THRAP3: variants seen among roughly 807,000 people sequenced by gnomAD.
THRAP3 encodes thyroid hormone receptor-associated protein 3.
THRAP3 carries 16 observed loss-of-function variants against 101.0 expected under a neutral mutation model. The ratio of observed to expected loss-of-function variants is 0.16; its 90% CI spans 0.11 to 0.24. The LOEUF (loss-of-function observed/expected upper bound fraction) is 0.24. Ranked by LOEUF, THRAP3 falls within the 10% of genes least tolerant of loss-of-function variation. The pLI, the probability that THRAP3 is intolerant of heterozygous loss-of-function variation, is 1.00. For missense variants in THRAP3, 989 were observed against 1,202.7 expected, an observed-to-expected ratio of 0.82 and a Z score of 2.63; for synonymous variants, 407 against 422.6, an observed-to-expected ratio of 0.96 and a Z score of 0.45.
the THRAP3 span, among the ~76,000 whole-genome samples, chr1:36,211,926 T>A: frequency 1.3e-5 from 2 of 152,188 alleles, no homozygotes; most frequent in African/African-American, 2.4e-5. Context: ...GAGCCTCTTG[T>A]ACACAAGAGA....
chr1:36,249,740 T>C (rs1015397480), intron 1 of THRAP3, among the ~76,000 whole-genome samples: 2 of 117,524 alleles, frequency 1.7e-5, no homozygotes, highest in African/African-American at 6.0e-5. Flanking sequence ...GAGACAGGAG[T>C]GGTGGTTTGG....
chr1:36,247,870 CTTTTTTTTTT>C (rs550667195), intron 1 of THRAP3, among the ~76,000 whole-genome samples: 1 of 128,530 alleles, frequency 7.8e-6, no homozygotes, highest in African/African-American at 2.9e-5. Flanking sequence ...CCATCTTCAT[CTTTTTTTTTT>C]TTTTTTTTTT....
At chr1:36,213,320 G>A in the THRAP3 span, among the ~76,000 whole-genome samples, 1 of 152,058 alleles carries the variant, frequency 6.6e-6, no homozygotes. Context: ...AGAGGCCTGG[G>A]AGATCTTATC....
At chr1:36,282,175 C>T (rs1281577432) in intron 2 of THRAP3, among the ~76,000 whole-genome samples, 1 of 151,960 alleles carries the variant, frequency 6.6e-6, no homozygotes, top group African/African-American at 2.4e-5. Context: ...CTCCTCCTAC[C>T]TTGGCCTCCC....
chr1:36,237,570 A>G (rs1645105760), intron 1 of THRAP3, among the ~76,000 whole-genome samples: 1 of 152,038 alleles, frequency 6.6e-6, no homozygotes. Context: ...CAGGAGTTCA[A>G]GATCAGCCTG....
intron 4 of THRAP3, chr1:36,288,736 C>G: frequency 1.0e-6 from 1 of 985,296 alleles, no homozygotes; most frequent in Non-Finnish European, 1.2e-6. Flanking sequence ...TTATTTTTTG[C>G]CCTAGATCAC....
chr1:36,290,214 G>A (rs1003261370), intron 5 of THRAP3, among the ~76,000 whole-genome samples: 2 of 138,008 alleles, frequency 1.4e-5, no homozygotes, highest in African/African-American at 5.4e-5. Flanking sequence ...TTTTTTTTTT[G>A]AGACGGGGTC....
chr1:36,296,513 C>A, intron 8 of THRAP3, 70 bp from the exon 9 acceptor site: 2 of 1,351,202 alleles, frequency 1.5e-6, no homozygotes, highest in Non-Finnish European at 2.0e-6. Context: ...GTAAAAACCA[C>A]AGTTTGTGGG....
Position 36,253,985 on chromosome 1 carries a change from C to G in THRAP3, c.-134-5397C>G, listed in dbSNP as rs77732170. 9.6e-3 allele frequency among the ~76,000 whole-genome samples: 1,457 copies of G among 152,030 alleles called. 17 individuals are homozygous for G. Among genetic ancestry groups the G allele is most frequent in the African/African-American group, 0.034 (1,397 of 41,442 alleles). The stretch of plus-strand genomic sequence containing the variant: ...TAACTTCAAAGCTATTTGGTATCCG[C>G]AACAGTAATAGTGGTTAAGGGTGGT... On this transcript the variant is annotated intron_variant, in intron 1 of 11. Coordinates refer to ENST00000354618, the MANE Select transcript of THRAP3 (RefSeq NM_005119.4).
chr1:36,230,751 T>A (rs1337967018), intron 1 of THRAP3, among the ~76,000 whole-genome samples: 1 of 152,198 alleles, frequency 6.6e-6, no homozygotes, highest in Non-Finnish European at 1.5e-5. Flanking sequence ...AACCTCTGCC[T>A]AAAAAGTTTT....
In THRAP3 at chr1:36,293,955, A is replaced by C; in HGVS notation, c.2115+20A>C. ...TACAAGGTGAACTGTTGATTTGATC[A>C]GTAATTCCAACAAAATGAGTGCGTT... On this transcript the variant is annotated intron_variant, in intron 8 of 11. Coordinates refer to ENST00000354618, the MANE Select transcript of THRAP3 (RefSeq NM_005119.4). 1 of 1,608,118 alleles carries C rather than the reference A, an allele frequency of 6.2e-7. No individual in the cohort carries two copies. Among genetic ancestry groups the C allele is most frequent in the South Asian group, 1.1e-5 (1 of 90,616 alleles).
chr1:36,247,382 T>TGGC (rs1645244256), intron 1 of THRAP3, among the ~76,000 whole-genome samples: 1 of 152,038 alleles, frequency 6.6e-6, no homozygotes, highest in Non-Finnish European at 1.5e-5. Context: ...TGGAGTGCAG[T>TGGC]GGCGTGATCT....
At chr1:36,228,625 G>A (rs147271374) in intron 1 of THRAP3, among the ~76,000 whole-genome samples, 50 of 152,196 alleles carry the variant, frequency 3.3e-4, no homozygotes, top group Admixed American at 8.5e-4. Flanking sequence ...AAAGTGCTGG[G>A]ATTACAGGCG....
chr1:36,218,881 A>C, the THRAP3 span, among the ~76,000 whole-genome samples: 3 of 151,894 alleles, frequency 2.0e-5, no homozygotes, highest in Non-Finnish European at 4.4e-5. Flanking sequence ...AAAAATACTA[A>C]AACTAGCCAA....
At chr1:36,225,754 T>C (rs1309671989) in intron 1 of THRAP3, among the ~76,000 whole-genome samples, 1 of 152,240 alleles carries the variant, frequency 6.6e-6, no homozygotes, top group African/African-American at 2.4e-5. Context: ...GCTCCTGCCA[T>C]GAACAACTTG....
chr1:36,298,607 C>T (rs1239339074), intron 9 of THRAP3, among the ~76,000 whole-genome samples: 2 of 152,036 alleles, frequency 1.3e-5, no homozygotes, highest in African/African-American at 4.8e-5. Context: ...GATCCTCCTG[C>T]TTCAGCCTTC....
chr1:36,256,997 A>ATGTT (rs2124478174), intron 1 of THRAP3, among the ~76,000 whole-genome samples: 1 of 152,068 alleles, frequency 6.6e-6, no homozygotes, highest in East Asian at 1.9e-4. Context: ...GGGTTTCTCC[A>ATGTT]TGTTGGTCAG....
Position 36,289,314 on chromosome 1 carries a change from A to G in THRAP3, c.1295A>G (p.Asp432Gly), listed in dbSNP as rs1439430318. Residue 432 changes from aspartate (D) to glycine (G), a missense_variant, in exon 5 of 12, where the codon GAT (aspartate) becomes GGT (glycine). By Grantham distance (94) the Asp-to-Gly change is moderately conservative (BLOSUM62 -1). Coordinates refer to ENST00000354618, the MANE Select transcript of THRAP3 (RefSeq NM_005119.4). ...GACTTCCACAAGGAGGAGATGGATG[A>G]TCAAGATAAGGACAAAGCTAAGGGA... Reference protein sequence around the residue: ...MADFHKEEMDDQDKDKAKGRK... With the variant: ...MADFHKEEMDGQDKDKAKGRK... 1.2e-6 allele frequency: 2 copies of G among 1,614,096 alleles called. No individual in the cohort carries two copies. Among genetic ancestry groups the G allele is most frequent in the Non-Finnish European group, 1.7e-6 (2 of 1,180,050 alleles).
At position 36,244,638 on chromosome 1, in the gene THRAP3, CTG is replaced by C. The variant is rs367736164; in HGVS notation, c.-134-14741_-134-14740del. On this transcript the variant is annotated intron_variant, in intron 1 of 11. Transcript: ENST00000354618. ...TGTAAAGCAGTTTCAGATTTCACTC[CTG>C]TGAGTTCTATTTCCATTGCTATTGG... is the stretch of plus-strand genomic sequence containing the variant. Among the ~76,000 whole-genome samples the C allele has an allele frequency of 3.5e-3, 538 of 152,008 alleles. 3 individuals are homozygous for C. Among genetic ancestry groups the C allele is most frequent in the African/African-American group, 0.012 (512 of 41,480 alleles).
Sources: allele counts gnomAD v4.1 joint callset (sites outside exome capture counted in the v4.1 genomes callset), GRCh38; gene constraint gnomAD v4.1.1; transcripts MANE v1.5; gene names NCBI Gene and HGNC (gene_info 2026-07-23, HGNC 2026-07-21).